The following USP37 variants were observed in gnomAD, a reference collection of about 807,000 sequenced individuals.
USP37 encodes ubiquitin carboxyl-terminal hydrolase 37.
A neutral mutation model predicts 124.0 loss-of-function variants in USP37; 27 were observed. That is an observed-to-expected ratio of 0.22 (90% CI 0.16 to 0.30). The LOEUF (loss-of-function observed/expected upper bound fraction) is 0.30, where lower values mean the gene tolerates loss of function less well. Ranked by LOEUF, USP37 falls within the 10% of genes least tolerant of loss-of-function variation. USP37 has a pLI of 1.00. For synonymous variants in USP37, 365 were observed against 388.0 expected (o/e 0.94, Z 0.70); for missense variants, 889 against 1,140.4 (o/e 0.78, Z 3.17).
At chr2:218,556,639 G>C (rs1205800420) in intron 4 of USP37, among the ~76,000 whole-genome samples, 1 of 145,478 alleles carries the variant, frequency 6.9e-6, no homozygotes, top group East Asian at 2.2e-4. Flanking sequence ...TCAGCCTCCC[G>C]AGTAGCTGGG....
chr2:218,512,912 T>C (rs1690079680), intron 10 of USP37, among the ~76,000 whole-genome samples: 1 of 152,184 alleles, frequency 6.6e-6, no homozygotes, highest in South Asian at 2.1e-4. Flanking sequence ...ATATAAATTT[T>C]ATATAAATTT....
intron 10 of USP37, among the ~76,000 whole-genome samples, chr2:218,520,859 G>A (rs1690571457): frequency 6.6e-6 from 1 of 152,148 alleles, no homozygotes; most frequent in Admixed American, 6.5e-5. Flanking sequence ...AGCTGATATA[G>A]TTTGGATATT....
chr2:218,477,118 A>C, intron 18 of USP37, 137 bp from the exon 19 acceptor site: 4 of 1,023,214 alleles, frequency 3.9e-6, no homozygotes, highest in Non-Finnish European at 5.3e-6. Flanking sequence ...CAAAAGAGGT[A>C]TATTTCAGCA....
intron 10 of USP37, among the ~76,000 whole-genome samples, chr2:218,524,257 A>T (rs1690825689): frequency 6.6e-6 from 1 of 152,086 alleles, no homozygotes; most frequent in Admixed American, 6.6e-5. Context: ...TTCCTAGATT[A>T]GTTATGTAGC....
Position 218,466,507 on chromosome 2 carries a change from T to C in USP37, c.2300-331A>G, listed in dbSNP as rs368481972. ...GATAACCAAAAATGACAGACACTAC[T>C]ATATGTCCTCTGGAAGGCAAAATTG... On this transcript the variant is annotated intron_variant, in intron 20 of 25. Coordinates refer to ENST00000258399, the MANE Select transcript of USP37 (RefSeq NM_020935.3). Among the ~76,000 whole-genome samples, 6 of 152,222 alleles carry C rather than the reference T, an allele frequency of 3.9e-5. No homozygotes were observed. In the South Asian group the frequency reaches 1.2e-3, roughly 32 times the overall value.
chr2:218,465,955 T>C, intron 21 of USP37, 55 bp downstream of exon 21: 1 of 1,557,212 alleles, frequency 6.4e-7, no homozygotes, highest in Non-Finnish European at 8.7e-7. Context: ...TTATTATTAT[T>C]ATATTTCTCA....
At chr2:218,535,385 A>G (rs35122235) in intron 8 of USP37, among the ~76,000 whole-genome samples, 8,532 of 148,258 alleles carry the variant, frequency 0.058, 357 homozygotes, top group East Asian at 0.12. Flanking sequence ...AAAAAGTACA[A>G]TGTTCAAGCT....
At chr2:218,566,508 T>A (rs1269558531) in intron 1 of USP37, among the ~76,000 whole-genome samples, 1 of 152,180 alleles carries the variant, frequency 6.6e-6, no homozygotes, top group African/African-American at 2.4e-5. Flanking sequence ...TATGGTTGGT[T>A]TGGGTTTTGG....
At chr2:218,509,787 A>G (rs1315254823) in intron 11 of USP37, among the ~76,000 whole-genome samples, 192 bp downstream of exon 11, 1 of 152,184 alleles carries the variant, frequency 6.6e-6, no homozygotes, top group Non-Finnish European at 1.5e-5. Context: ...TATATTCCAA[A>G]GTTCTAAAAT....
chr2:218,513,076 C>T (rs1308756745), intron 10 of USP37, among the ~76,000 whole-genome samples: 2 of 151,868 alleles, frequency 1.3e-5, no homozygotes, highest in South Asian at 2.1e-4. Context: ...GTCTCCCCTC[C>T]GTTAGTCTGG....
chr2:218,532,466 C>CAAA (rs35277725), intron 9 of USP37, among the ~76,000 whole-genome samples: 22 of 115,316 alleles, frequency 1.9e-4, no homozygotes, highest in South Asian at 2.9e-4. Context: ...GACTCTGTCT[C>CAAA]AAAAAAAAAA....
chr2:218,490,827 T>A (rs1691895826), intron 14 of USP37, among the ~76,000 whole-genome samples: 1 of 152,222 alleles, frequency 6.6e-6, no homozygotes, highest in Non-Finnish European at 1.5e-5. Flanking sequence ...TAACTTCGAA[T>A]GAATCAAAAA....
chr2:218,526,344 G>A (rs1401761242), intron 10 of USP37, among the ~76,000 whole-genome samples: 2 of 151,988 alleles, frequency 1.3e-5, no homozygotes, highest in Non-Finnish European at 2.9e-5. Flanking sequence ...TGATTCTCCT[G>A]CTTCAGTCTC....
At chr2:218,553,198 A>C (rs1692762305) in intron 5 of USP37, among the ~76,000 whole-genome samples, 1 of 152,210 alleles carries the variant, frequency 6.6e-6, no homozygotes, top group Non-Finnish European at 1.5e-5. Flanking sequence ...TTCACCCCTA[A>C]GTACGATGTT....
At chr2:218,515,219 T>G (rs1319219464) in intron 10 of USP37, among the ~76,000 whole-genome samples, 1 of 151,998 alleles carries the variant, frequency 6.6e-6, no homozygotes. Flanking sequence ...CTTTTTTTTT[T>G]TAAGAGCCCG....
At position 218,568,308 on chromosome 2, in the gene USP37, T is replaced by TCAGGGAG. The variant is rs1693778349; in HGVS notation, c.-367_-361dup. 6.6e-6 allele frequency: 1 copy of TCAGGGAG among 152,616 alleles called. No individual in the cohort carries two copies. Among genetic ancestry groups the TCAGGGAG allele is most frequent in the Admixed American group, 6.5e-5 (1 of 15,288 alleles). 9.5% of individuals were successfully genotyped at this position (152,616 alleles called of 1,614,324 possible). On this transcript the variant is annotated 5_prime_UTR_variant, in exon 1 of 26. Coordinates refer to ENST00000258399, the MANE Select transcript of USP37 (RefSeq NM_020935.3). The stretch of plus-strand genomic sequence containing the variant: ...GAGGGAGGCCGCTAGCTACCCCTAG[T>TCAGGGAG]CAGGGAGAGCGGCTGATGGCGGGAA...
chr2:218,553,397 ATGG>A (rs1331756535), intron 5 of USP37, among the ~76,000 whole-genome samples, 153 bp downstream of exon 5: 6 of 152,220 alleles, frequency 3.9e-5, no homozygotes, highest in South Asian at 2.1e-4. Context: ...TGATTTTCAT[ATGG>A]TGAACTATCT....
chr2:218,561,415 T>C (rs1457727074), intron 2 of USP37, among the ~76,000 whole-genome samples: 1 of 152,170 alleles, frequency 6.6e-6, no homozygotes, highest in Non-Finnish European at 1.5e-5. Context: ...CCCAGCACTT[T>C]GCGAGGCCGA....
At chr2:218,486,470 T>C (rs1005673480) in intron 15 of USP37, 2 of 152,236 alleles carry the variant, frequency 1.3e-5, no homozygotes, top group African/African-American at 4.8e-5. Context: ...GGCAACTGGG[T>C]GGGAGGGAGG....
Sources: allele counts gnomAD v4.1 joint callset (sites outside exome capture counted in the v4.1 genomes callset), GRCh38; gene constraint gnomAD v4.1.1; transcripts MANE v1.5; gene names NCBI Gene and HGNC (gene_info 2026-07-23, HGNC 2026-07-21).